The following ADARB2 variants were observed in gnomAD, a reference collection of about 807,000 sequenced individuals.
ADARB2 encodes adenosine deaminase RNA specific B2 (inactive).
Under a neutral mutation model 62.2 loss-of-function variants are expected in ADARB2, and 25 were observed. The observed-to-expected ratio is 0.40, with a 90% CI of 0.29 to 0.56. The LOEUF (loss-of-function observed/expected upper bound fraction) is 0.56, where lower values mean the gene tolerates loss of function less well. Ranked by LOEUF, ADARB2 falls within the 20% of genes least tolerant of loss-of-function variation. The pLI is 0.43. For missense variants in ADARB2, 1,071 were observed against 1,077.4 expected, an observed-to-expected ratio of 0.99 and a Z score of 0.08; for synonymous variants, 572 against 500.8, an observed-to-expected ratio of 1.14 and a Z score of -1.90.
At chr10:1,512,257 G>C (rs1414895203) in intron 1 of ADARB2, among the ~76,000 whole-genome samples, 1 of 151,814 alleles carries the variant, frequency 6.6e-6, no homozygotes, top group Non-Finnish European at 1.5e-5. Context: ...TGGACACCAA[G>C]ACGTTGATGC....
At chr10:1,428,387 C>T (rs779033971) in intron 1 of ADARB2, among the ~76,000 whole-genome samples, 1 of 150,684 alleles carries the variant, frequency 6.6e-6, no homozygotes, top group Non-Finnish European at 1.5e-5. Context: ...CCCAGGTTCA[C>T]GCCATTCTCT....
intron 1 of ADARB2, among the ~76,000 whole-genome samples, chr10:1,420,113 C>T (rs974541587): frequency 3.9e-5 from 6 of 152,190 alleles, no homozygotes; most frequent in Admixed American, 6.5e-5. Flanking sequence ...CAGGAACATT[C>T]GGTGCATGAT....
chr10:1,332,417 G>GAA (rs59497955), intron 3 of ADARB2, among the ~76,000 whole-genome samples: 4,663 of 108,064 alleles, frequency 0.043, 132 homozygotes, highest in Non-Finnish European at 0.07. Flanking sequence ...CCTTGTCTCA[G>GAA]AAAAAAAAAA....
intron 7 of ADARB2, among the ~76,000 whole-genome samples, chr10:1,202,593 G>GT (rs1417898319): frequency 2.0e-5 from 3 of 152,222 alleles, no homozygotes; most frequent in Non-Finnish European, 4.4e-5. Flanking sequence ...TCCTCGGGAC[G>GT]TAAGATGCCC....
At chr10:1,725,430 C>T (rs1230049215) in intron 1 of ADARB2, among the ~76,000 whole-genome samples, 3 of 152,176 alleles carry the variant, frequency 2.0e-5, no homozygotes, top group African/African-American at 7.2e-5. Flanking sequence ...CACATGTCAC[C>T]GCTTCAGAGT....
At chr10:1,653,355 G>A (rs1404924230) in intron 1 of ADARB2, among the ~76,000 whole-genome samples, 4 of 152,198 alleles carry the variant, frequency 2.6e-5, no homozygotes, top group Admixed American at 2.0e-4. Context: ...CCTTGCTGGT[G>A]TCTGGCAGAG....
At chr10:1,198,326 G>A (rs1451276477) in intron 8 of ADARB2, among the ~76,000 whole-genome samples, 1 of 152,088 alleles carries the variant, frequency 6.6e-6, no homozygotes, top group African/African-American at 2.4e-5. Context: ...TGACCTTGAG[G>A]GAAGCTTCAA....
intron 1 of ADARB2, among the ~76,000 whole-genome samples, chr10:1,634,103 C>G (rs995853974): frequency 6.6e-6 from 1 of 152,144 alleles, no homozygotes; most frequent in South Asian, 2.1e-4. Flanking sequence ...CCCACCTGCC[C>G]TCTGCGCCTG....
In ADARB2 at chr10:1,363,235, C is replaced by A; in HGVS notation, c.870G>T (p.Leu290=). ...VVLLNRLRAG[L]RYVCLAEPAE... ...CCGGTTCTGCCAGACACACGTAGCGCAGCCCGGCGCGCAGGCGGTTCAGCA... is the reference window on the plus strand; with the variant it reads ...CCGGTTCTGCCAGACACACGTAGCGAAGCCCGGCGCGCAGGCGGTTCAGCA... Residue 290 remains leucine, a synonymous_variant, in exon 3 of 10, where the codon CTG becomes CTT. Transcript: ENST00000381312. The A allele has an allele frequency of 2.2e-6, 3 of 1,388,420 alleles. No homozygotes were observed. Among genetic ancestry groups the A allele is most frequent in the Admixed American group, 5.7e-5 (2 of 35,156 alleles). The allele number at this position is 1,388,420 out of a possible 1,614,324, so 86.0% of individuals were successfully genotyped here.
At chr10:1,257,606 A>T (rs1193715239) in intron 4 of ADARB2, among the ~76,000 whole-genome samples, 2 of 152,232 alleles carry the variant, frequency 1.3e-5, no homozygotes, top group East Asian at 3.9e-4. Flanking sequence ...AGTCCAACGG[A>T]GCAGCAGAAG....
intron 1 of ADARB2, among the ~76,000 whole-genome samples, chr10:1,493,729 C>CTTTTTTTTTTTTTTTTTTTT (rs555812632): frequency 7.0e-5 from 4 of 56,846 alleles, no homozygotes; most frequent in Non-Finnish European, 9.2e-5. Context: ...ATATGGCATT[C>CTTTTTTTTTTTTTTTTTTTT]TTTTTTTTTT....
In ADARB2 at chr10:1,336,101, G is replaced by A. The variant is rs373662612; in HGVS notation, c.1077+26927C>T. 1.1e-4 allele frequency among the ~76,000 whole-genome samples: 16 copies of A among 152,232 alleles called. No individual in the cohort carries two copies. The East Asian group carries it at 2.7e-3, about 26-fold the overall frequency. On this transcript the variant is annotated intron_variant, in intron 3 of 9. Coordinates refer to ENST00000381312, the MANE Select transcript of ADARB2 (RefSeq NM_018702.4). ...AAGAAACTCTAATATGCAAACATTC[G>A]AATTCATGGAGTGCATAAATTCAGC...
At chr10:1,379,477 G>GT (rs1271879210) in intron 1 of ADARB2, among the ~76,000 whole-genome samples, 2 of 152,158 alleles carry the variant, frequency 1.3e-5, no homozygotes, top group African/African-American at 4.8e-5. Context: ...AAAATCCTGG[G>GT]TAGGGCAGAG....
intron 1 of ADARB2, among the ~76,000 whole-genome samples, chr10:1,481,791 A>C (rs1831475757): frequency 6.6e-6 from 1 of 150,526 alleles, no homozygotes; most frequent in African/African-American, 2.5e-5. Flanking sequence ...CAGGAGGTGA[A>C]GTTTGCAGTG....
chr10:1,545,518 G>C (rs1832505300), intron 1 of ADARB2, among the ~76,000 whole-genome samples: 1 of 152,198 alleles, frequency 6.6e-6, no homozygotes, highest in Non-Finnish European at 1.5e-5. Flanking sequence ...CAGTGACCTT[G>C]ACTGCGAATT....
chr10:1,615,788 GCA>G (rs1319358228), intron 1 of ADARB2, among the ~76,000 whole-genome samples: 16 of 152,232 alleles, frequency 1.1e-4, no homozygotes, highest in Non-Finnish European at 1.9e-4. Flanking sequence ...ACTTGGCAGG[GCA>G]GGGACTGTTG....
chr10:1,732,655 A>T (rs900245838), intron 1 of ADARB2, among the ~76,000 whole-genome samples: 10 of 152,248 alleles, frequency 6.6e-5, no homozygotes, highest in Non-Finnish European at 1.3e-4. Context: ...TGAGCGAGAT[A>T]AGCGGAGGAT....
intron 1 of ADARB2, among the ~76,000 whole-genome samples, chr10:1,672,697 TTCCAGGCCCC>T (rs1834405906): frequency 1.5e-5 from 1 of 65,010 alleles, no homozygotes; most frequent in Non-Finnish European, 4.4e-5. Flanking sequence ...CCTTTCCTCC[TTCCAGGCCCC>T]CCGCCTGCCT....
chr10:1,672,760 C>T (rs1238599217), intron 1 of ADARB2, among the ~76,000 whole-genome samples: 1 of 90,938 alleles, frequency 1.1e-5, no homozygotes, highest in Non-Finnish European at 2.8e-5. Flanking sequence ...CCTCCACGCA[C>T]ACACTTCCCC....
Sources: allele counts gnomAD v4.1 joint callset (sites outside exome capture counted in the v4.1 genomes callset), GRCh38; gene constraint gnomAD v4.1.1; transcripts MANE v1.5; gene names NCBI Gene and HGNC (gene_info 2026-07-23, HGNC 2026-07-21).